Variants in SNRK observed in about 807,000 individuals in gnomAD.
The protein encoded by SNRK is SNF-related serine/threonine-protein kinase.
SNRK carries 3 observed loss-of-function variants against 48.2 expected under a neutral mutation model. That is an observed-to-expected ratio of 0.06 (90% CI 0.03 to 0.16). The LOEUF is 0.16. Among genes scored for constraint, SNRK ranks in the 10% least tolerant of loss-of-function variants. The pLI is 1.00. For missense variants in SNRK, 627 were observed against 976.0 expected (o/e 0.64, Z 4.76); for synonymous variants, 376 against 366.1 (o/e 1.03, Z -0.31).
chr3:43,336,279 TCTCCCTTGCTCTCTCC>T (rs56399955), intron 4 of SNRK, among the ~76,000 whole-genome samples: 111,447 of 144,792 alleles, frequency 0.77, 47,360 homozygotes, highest in Non-Finnish European at 0.94. Flanking sequence ...CTCCACCCTC[TCTCCCTTGCTCTCTCC>T]CTCCCTTGCT....
At chr3:43,322,157 A>G (rs2091058616) in intron 3 of SNRK, among the ~76,000 whole-genome samples, 1 of 152,256 alleles carries the variant, frequency 6.6e-6, no homozygotes, top group Non-Finnish European at 1.5e-5. Context: ...AGAAAAAAGA[A>G]CAGGGTCTAA....
chr3:43,338,373 T>TA (rs1452846435), intron 4 of SNRK, among the ~76,000 whole-genome samples: 4 of 152,272 alleles, frequency 2.6e-5, no homozygotes, highest in African/African-American at 9.6e-5. Context: ...GATTGACAGT[T>TA]ATTTTCTCTC....
chr3:43,322,793 A>G lies in SNRK; in HGVS notation c.590-9376A>G, dbSNP rs1040855846. Among the ~76,000 whole-genome samples the G allele has an allele frequency of 2.0e-5, 3 of 151,964 alleles. No homozygotes were observed. The South Asian group carries it at 6.2e-4, about 31-fold the overall frequency. ...TGGTGAAACCCCGTCTCTACTAAAA[A>G]TACAAAAAATTAGCTGGGAGTGGTG... is the stretch of plus-strand genomic sequence containing the variant. On this transcript the variant is annotated intron_variant, in intron 3 of 6. Transcript: ENST00000296088.
At chr3:43,346,780 T>A (rs973025775) in intron 6 of SNRK, 5 of 152,176 alleles carry the variant, frequency 3.3e-5, no homozygotes, top group African/African-American at 9.7e-5. Context: ...TAGTTTTTTT[T>A]AATTGGAGAA....
intron 3 of SNRK, among the ~76,000 whole-genome samples, chr3:43,328,354 A>C (rs1666320833): frequency 6.6e-6 from 1 of 151,864 alleles, no homozygotes; most frequent in Admixed American, 6.6e-5. Flanking sequence ...ATTCTCTAAA[A>C]TGAATGGTTT....
intron 4 of SNRK, among the ~76,000 whole-genome samples, chr3:43,339,578 A>G (rs558549471): frequency 2.6e-4 from 39 of 151,844 alleles, no homozygotes; most frequent in African/African-American, 6.3e-4. Flanking sequence ...AGCACATTGG[A>G]AGGCCGAGGC....
At chr3:43,324,242 G>T (rs965310849) in intron 3 of SNRK, among the ~76,000 whole-genome samples, 1 of 152,200 alleles carries the variant, frequency 6.6e-6, no homozygotes. Context: ...GGGCGTGGTG[G>T]CTCACGCCTG....
chr3:43,343,601 C>G (rs2091253848), intron 6 of SNRK, 123 bp downstream of exon 6: 4 of 1,077,226 alleles, frequency 3.7e-6, no homozygotes, highest in Non-Finnish European at 4.0e-6. Flanking sequence ...ATGACGGCCT[C>G]ATTGGAGAGG....
intron 3 of SNRK, among the ~76,000 whole-genome samples, chr3:43,311,915 A>G (rs2090981650): frequency 6.6e-6 from 1 of 152,182 alleles, no homozygotes; most frequent in Non-Finnish European, 1.5e-5. Context: ...AAACTCTAAA[A>G]TGGGAAAATT....
intron 3 of SNRK, among the ~76,000 whole-genome samples, chr3:43,304,197 T>C (rs1049829612): frequency 2.6e-5 from 4 of 152,222 alleles, no homozygotes; most frequent in Admixed American, 2.6e-4. Context: ...TACAGTGCAA[T>C]ATAAAGAATT....
At chr3:43,290,673 C>A (rs559442713) in intron 1 of SNRK, among the ~76,000 whole-genome samples, 2 of 152,358 alleles carry the variant, frequency 1.3e-5, no homozygotes, top group South Asian at 4.1e-4. Flanking sequence ...TCAGTCTGAT[C>A]TTCACTTTGC....
chr3:43,341,391 TC>T (rs2091236499), intron 5 of SNRK, among the ~76,000 whole-genome samples: 1 of 152,304 alleles, frequency 6.6e-6, no homozygotes, highest in Middle Eastern at 3.4e-3. Context: ...GACCTCGTGA[TC>T]CGCCCGCCTT....
chr3:43,298,073 C>T (rs1207933102), intron 1 of SNRK, among the ~76,000 whole-genome samples: 1 of 152,186 alleles, frequency 6.6e-6, no homozygotes, highest in Non-Finnish European at 1.5e-5. Context: ...AGAATGCTTA[C>T]TCTGTGCCAG....
At chr3:43,341,149 TG>T (rs2091232935) in intron 5 of SNRK, among the ~76,000 whole-genome samples, 2 of 151,944 alleles carry the variant, frequency 1.3e-5, no homozygotes, top group Admixed American at 6.6e-5. Context: ...GTTGTTTTTT[TG>T]TTTTTGTTTT....
At chr3:43,317,874 G>A (rs1415231012) in intron 3 of SNRK, among the ~76,000 whole-genome samples, 2 of 152,172 alleles carry the variant, frequency 1.3e-5, no homozygotes, top group East Asian at 3.8e-4. Flanking sequence ...TTTGTGAAAT[G>A]GGGTTCATAG....
intron 3 of SNRK, among the ~76,000 whole-genome samples, chr3:43,331,741 G>C (rs55915337): frequency 6.6e-6 from 1 of 152,082 alleles, no homozygotes; most frequent in Non-Finnish European, 1.5e-5. Flanking sequence ...CCTCACTAGC[G>C]TTGAGGTAAA....
At chr3:43,294,529 A>G (rs1221848556) in intron 1 of SNRK, among the ~76,000 whole-genome samples, 1 of 152,146 alleles carries the variant, frequency 6.6e-6, no homozygotes, top group Non-Finnish European at 1.5e-5. Context: ...TGGCACTGAA[A>G]GTTTCAGATT....
chr3:43,302,482 C>T (rs2090904830), intron 2 of SNRK, among the ~76,000 whole-genome samples: 1 of 151,856 alleles, frequency 6.6e-6, no homozygotes, highest in Non-Finnish European at 1.5e-5. Context: ...ATAGAAAATC[C>T]CTGAGAACCT....
At chr3:43,333,737 A>T (rs1015807917) in intron 4 of SNRK, among the ~76,000 whole-genome samples, 3 of 152,196 alleles carry the variant, frequency 2.0e-5, no homozygotes, top group Non-Finnish European at 2.9e-5. Flanking sequence ...TCAAATAAGT[A>T]TACAATGTAT....
Sources: allele counts gnomAD v4.1 joint callset (sites outside exome capture counted in the v4.1 genomes callset), GRCh38; gene constraint gnomAD v4.1.1; transcripts MANE v1.5; gene names NCBI Gene and HGNC (gene_info 2026-07-23, HGNC 2026-07-21).